TGFBR1: variants seen among roughly 807,000 people sequenced by gnomAD.
TGFBR1 encodes the protein transforming growth factor beta receptor 1.
TGFBR1 carries 20 observed loss-of-function variants against 55.1 expected under a neutral mutation model. The ratio of observed to expected loss-of-function variants is 0.36; its 90% confidence interval spans 0.26 to 0.53. TGFBR1 has a LOEUF of 0.53. Ranked by LOEUF, TGFBR1 falls within the 20% of genes least tolerant of loss-of-function variation. The pLI, the probability that TGFBR1 is intolerant of heterozygous loss-of-function variation, is 0.91. For synonymous variants in TGFBR1, 220 were observed against 214.8 expected, an observed-to-expected ratio of 1.02 and a Z score of -0.21; for missense variants, 385 against 617.6, an observed-to-expected ratio of 0.62 and a Z score of 3.99.
Position 99,152,455 on chromosome 9 carries a change from C to T in TGFBR1, c.*3150C>T, listed in dbSNP as rs200525939. The T allele has an allele frequency of 2.2e-5, 5 of 230,144 alleles. No individual in the cohort carries two copies. Among genetic ancestry groups the T allele is most frequent in the Non-Finnish European group, 4.3e-5 (5 of 115,802 alleles). 14.3% of individuals were successfully genotyped at this position (230,144 alleles called of 1,614,324 possible). A position where few individuals can be genotyped will look rare whatever the true frequency, so the allele number is the denominator to read the frequency against. On this transcript the variant is annotated 3_prime_UTR_variant, in exon 9 of 9. Transcript: ENST00000374994. ...AGTGCCTTGAGTTGGTGTACAGTGC[C>T]ATGGCCATCAAGAATCCCAGATTTC...
chr9:99,141,057 G>A (rs1322427805), intron 4 of TGFBR1, among the ~76,000 whole-genome samples: 1 of 152,132 alleles, frequency 6.6e-6, no homozygotes, highest in African/African-American at 2.4e-5. Flanking sequence ...ACCCCCGGCA[G>A]CCCTTTATAT....
chr9:99,152,773 G>T lies in TGFBR1; in HGVS notation c.*3468G>T, dbSNP rs568480971. On this transcript the variant is annotated 3_prime_UTR_variant, in exon 9 of 9. Transcript: ENST00000374994. ...CACTTTGGCAGAAAATGCCAGCTCA[G>T]ATATTTTGAGATACTAAGGATTATC... The T allele has an allele frequency of 2.6e-5, 6 of 230,014 alleles. No homozygotes were observed. Among genetic ancestry groups the T allele is most frequent in the African/African-American group, 1.3e-4 (6 of 45,280 alleles). 14.2% of individuals were successfully genotyped at this position (230,014 alleles called of 1,614,324 possible). A position where few individuals can be genotyped will look rare whatever the true frequency, so the allele number is the denominator to read the frequency against.
intron 3 of TGFBR1, among the ~76,000 whole-genome samples, chr9:99,136,014 C>T (rs1827428645): frequency 6.6e-6 from 1 of 151,914 alleles, no homozygotes; most frequent in African/African-American, 2.4e-5. Context: ...ACCACCATGC[C>T]CAGCTAATTT....
At chr9:99,133,576 G>A (rs1827317927) in intron 3 of TGFBR1, among the ~76,000 whole-genome samples, 1 of 152,190 alleles carries the variant, frequency 6.6e-6, no homozygotes, top group Non-Finnish European at 1.5e-5. Flanking sequence ...TAGGTTTCAA[G>A]GCAAGCTTTG....
chr9:99,140,623 G>A (rs117680009), intron 4 of TGFBR1, among the ~76,000 whole-genome samples: 136 of 152,048 alleles, frequency 8.9e-4, no homozygotes, highest in Non-Finnish European at 1.5e-3. Flanking sequence ...GACTTTCCTT[G>A]TTCCTTCTTA....
At chr9:99,134,849 TA>T (rs1827383749) in intron 3 of TGFBR1, among the ~76,000 whole-genome samples, 3 of 118,612 alleles carry the variant, frequency 2.5e-5, no homozygotes, top group African/African-American at 9.2e-5. Context: ...TATATATATA[TA>T]TATTTCTAGA....
Position 99,152,109 on chromosome 9 carries a change from C to A in TGFBR1, c.*2804C>A, listed in dbSNP as rs975350459. On this transcript the variant is annotated 3_prime_UTR_variant, in exon 9 of 9. Coordinates refer to ENST00000374994, the MANE Select transcript of TGFBR1 (RefSeq NM_004612.4). The stretch of plus-strand genomic sequence containing the variant: ...CTGGTCCCTGACGCAGAGACCGTTG[C>A]CTCCCCCACAGCCGTTTGACTGAAG... 6 of 207,152 alleles carry A rather than the reference C, an allele frequency of 2.9e-5. No homozygotes were observed. The highest frequency in any genetic ancestry group is 4.9e-5 in the Non-Finnish European group (5 of 101,462). The allele number at this position is 207,152 out of a possible 1,614,324, so 12.8% of individuals were successfully genotyped here.
chr9:99,140,000 AT>A (rs1827561019), intron 4 of TGFBR1, among the ~76,000 whole-genome samples: 1 of 152,210 alleles, frequency 6.6e-6, no homozygotes, highest in African/African-American at 2.4e-5. Flanking sequence ...TTGGAGTTTT[AT>A]TGGTTTTCTC....
intron 3 of TGFBR1, among the ~76,000 whole-genome samples, chr9:99,135,968 C>T (rs142031706): frequency 1.3e-3 from 198 of 151,468 alleles, no homozygotes; most frequent in African/African-American, 4.7e-3. Flanking sequence ...AATTCTCCTG[C>T]CTCAGCCTCC....
At chr9:99,119,241 C>G (rs1365206054) in intron 1 of TGFBR1, among the ~76,000 whole-genome samples, 5 of 152,220 alleles carry the variant, frequency 3.3e-5, no homozygotes, top group African/African-American at 1.2e-4. Flanking sequence ...TCAATGGCAG[C>G]TGGGAGTGGT....
At chr9:99,143,919 C>A (rs1183951344) in intron 5 of TGFBR1, among the ~76,000 whole-genome samples, 1 of 152,212 alleles carries the variant, frequency 6.6e-6, no homozygotes, top group Non-Finnish European at 1.5e-5. Flanking sequence ...TCTTTTGTGA[C>A]TGGCTTCTTT....
chr9:99,142,523 T>C lies in TGFBR1; in HGVS notation c.806-13T>C. 1 of 1,613,978 alleles carries C rather than the reference T, an allele frequency of 6.2e-7. No homozygotes were observed. The highest frequency in any genetic ancestry group is 8.5e-7 in the Non-Finnish European group (1 of 1,179,872). On this transcript the variant is annotated splice_polypyrimidine_tract_variant and intron_variant, in intron 4 of 8. Transcript: ENST00000374994. ...GTCTGCAGCCCAACCGAAATGTTAATTCTGTTTTACAGACAATGGTACTTG... is the reference window on the plus strand; with the variant it reads ...GTCTGCAGCCCAACCGAAATGTTAACTCTGTTTTACAGACAATGGTACTTG...
intron 2 of TGFBR1, among the ~76,000 whole-genome samples, chr9:99,130,861 A>T (rs1349306448): frequency 6.6e-6 from 1 of 152,238 alleles, no homozygotes; most frequent in Non-Finnish European, 1.5e-5. Context: ...TTCAGAAGAA[A>T]AGCCCAACTG....
At chr9:99,135,574 C>T (rs900976181) in intron 3 of TGFBR1, among the ~76,000 whole-genome samples, 6 of 152,192 alleles carry the variant, frequency 3.9e-5, no homozygotes, top group African/African-American at 1.2e-4. Flanking sequence ...GGCAGCTGTA[C>T]GCCAAGTGTG....
chr9:99,136,104 G>A (rs1240319706), intron 3 of TGFBR1, among the ~76,000 whole-genome samples: 2 of 152,080 alleles, frequency 1.3e-5, no homozygotes, highest in Admixed American at 6.6e-5. Flanking sequence ...ATCCAACCAC[G>A]TCGGCCTCCT....
At chr9:99,145,754 C>T (rs1827773849) in intron 6 of TGFBR1, 1 of 152,524 alleles carries the variant, frequency 6.6e-6, no homozygotes, top group African/African-American at 2.4e-5. Flanking sequence ...TTATCACAAG[C>T]TGTCACAGCA....
intron 1 of TGFBR1, among the ~76,000 whole-genome samples, chr9:99,110,134 A>G (rs547772598): frequency 6.6e-6 from 1 of 152,278 alleles, no homozygotes; most frequent in East Asian, 1.9e-4. Flanking sequence ...TCACTTTCTT[A>G]AATACTAGTG....
intron 1 of TGFBR1, among the ~76,000 whole-genome samples, chr9:99,124,691 C>T (rs1007907137): frequency 3.3e-5 from 5 of 152,030 alleles, no homozygotes; most frequent in African/African-American, 7.2e-5. Context: ...TGTAGTCAAT[C>T]AAGACTGACT....
Position 99,150,164 on chromosome 9 carries a change from A to G in TGFBR1, c.*859A>G. The G allele has an allele frequency of 5.3e-6, 1 of 189,680 alleles. No homozygotes were observed. Among genetic ancestry groups the G allele is most frequent in the Non-Finnish European group, 1.1e-5 (1 of 90,094 alleles). 11.7% of individuals were successfully genotyped at this position (189,680 alleles called of 1,614,324 possible). A position where few individuals can be genotyped will look rare whatever the true frequency, so the allele number is the denominator to read the frequency against. ...AAAATGTGCTTAAGCCACTAAAGAA[A>G]TGAAGTGGCATTAATTAGTAAATTA... On this transcript the variant is annotated 3_prime_UTR_variant, in exon 9 of 9. Coordinates refer to ENST00000374994, the MANE Select transcript of TGFBR1 (RefSeq NM_004612.4).
Sources: allele counts gnomAD v4.1 joint callset (sites outside exome capture counted in the v4.1 genomes callset), GRCh38; gene constraint gnomAD v4.1.1; transcripts MANE v1.5; gene names NCBI Gene and HGNC (gene_info 2026-07-23, HGNC 2026-07-21).